DDX46: variants seen among roughly 807,000 people sequenced by gnomAD.
The protein encoded by DDX46 is DEAD-box helicase 46.
In DDX46, 30 loss-of-function variants were observed where a neutral mutation model predicts 134.9. The observed-to-expected ratio is 0.22, with a 90% CI of 0.17 to 0.30. DDX46 has a LOEUF of 0.30. DDX46 is among the 10% of genes least tolerant of loss of function. The probability of loss-of-function intolerance (pLI) is 1.00; values close to 1 mark genes in which losing one functional copy is unlikely to be tolerated. For missense variants in DDX46, 622 were observed against 1,248.7 expected (o/e 0.50, Z 7.56); for synonymous variants, 415 against 404.1 (o/e 1.03, Z -0.32).
chr5:134,816,531 T>C lies in DDX46; in HGVS notation c.2538T>C (p.Ala846=), dbSNP rs1580817356. The change falls in exon 19 of 23, where the codon GCT becomes GCC. Residue 846 remains alanine (A), a synonymous_variant. Coordinates refer to ENST00000452510, the MANE Select transcript of DDX46 (RefSeq NM_001300860.2). ...SSVPAPTAGN[A]EKLEIAKRLA... ...TTCCTGCTCCAACTGCAGGAAATGC[T>C]GAGAAATTAGAAATTGCTAAGAGAT... The C allele has an allele frequency of 2.5e-6, 4 of 1,614,108 alleles. No individual in the cohort carries two copies. Among genetic ancestry groups the C allele is most frequent in the Middle Eastern group, 1.7e-4 (1 of 6,060 alleles).
At chr5:134,790,323 C>G in intron 12 of DDX46, 147 bp from the exon 13 acceptor site, 1 of 678,398 alleles carries the variant, frequency 1.5e-6, no homozygotes, top group Non-Finnish European at 2.5e-6. Context: ...AATTTCTTTT[C>G]ACTTTTTAAA....
At position 134,831,034 on chromosome 5, in the gene DDX46, G is replaced by GATT. The variant is rs1455648090; in HGVS notation, c.*2330_*2331insTAT. The GATT allele has an allele frequency of 6.6e-6, 1 of 152,340 alleles. No individual in the cohort carries two copies. The highest frequency in any genetic ancestry group is 2.4e-5 in the African/African-American group (1 of 41,400). 9.4% of individuals were successfully genotyped at this position (152,340 alleles called of 1,614,324 possible). A position where few individuals can be genotyped will look rare whatever the true frequency, so the allele number is the denominator to read the frequency against. Reference sequence around the variant, plus strand: ...TCACACTGACTTTTAAAATTTGAATGATATATAGACTTTGTTTTTTTAATG... The same window carrying GATT: ...TCACACTGACTTTTAAAATTTGAATGATTATATATAGACTTTGTTTTTTTAATG... On this transcript the variant is annotated 3_prime_UTR_variant, in exon 23 of 23. Coordinates refer to ENST00000452510, the MANE Select transcript of DDX46 (RefSeq NM_001300860.2).
At chr5:134,820,209 C>T (rs917147624) in intron 21 of DDX46, among the ~76,000 whole-genome samples, 3 of 152,112 alleles carry the variant, frequency 2.0e-5, no homozygotes, top group Admixed American at 1.3e-4. Flanking sequence ...CATGAGCCAC[C>T]GCGCCCAGCC....
At chr5:134,827,262 T>G (rs1451876483) in intron 22 of DDX46, among the ~76,000 whole-genome samples, 9 of 151,982 alleles carry the variant, frequency 5.9e-5, no homozygotes. Context: ...TACCTTGAAT[T>G]TTTTTTCTTT....
chr5:134,765,162 G>A (rs573966491), intron 2 of DDX46, among the ~76,000 whole-genome samples: 19 of 150,672 alleles, frequency 1.3e-4, no homozygotes, highest in African/African-American at 4.6e-4. Flanking sequence ...TCTGCCTCCC[G>A]GGTTCAAGTG....
At chr5:134,803,010 T>A (rs931827032) in intron 15 of DDX46, among the ~76,000 whole-genome samples, 1 of 152,300 alleles carries the variant, frequency 6.6e-6, no homozygotes, top group East Asian at 1.9e-4. Context: ...TTATTATTAT[T>A]TTTTATACGG....
intron 5 of DDX46, among the ~76,000 whole-genome samples, chr5:134,775,698 T>A (rs1299411142): frequency 6.6e-6 from 1 of 152,182 alleles, no homozygotes; most frequent in Admixed American, 6.5e-5. Flanking sequence ...TTCACTATGT[T>A]GGCCAGGCTA....
At chr5:134,810,586 AC>A (rs1450705734) in intron 16 of DDX46, among the ~76,000 whole-genome samples, 1 of 145,502 alleles carries the variant, frequency 6.9e-6, no homozygotes, top group East Asian at 2.2e-4. Flanking sequence ...CAAATGATCC[AC>A]CCCCCCTTGG....
At position 134,769,779 on chromosome 5, in the gene DDX46, TCA is replaced by T. The variant is rs551481165; in HGVS notation, c.351-1123_351-1122del. Among the ~76,000 whole-genome samples, 1,268 of 152,088 alleles carry T rather than the reference TCA, an allele frequency of 8.3e-3. 16 individuals are homozygous for T. The highest frequency in any genetic ancestry group is 0.028 in the African/African-American group (1,155 of 41,486). ...TCAGGCTGGTCTAGAACTCCTAACC[TCA>T]TGTGATCCACCTGCCTCGGCCTCAC... On this transcript the variant is annotated intron_variant, in intron 3 of 22. Coordinates refer to ENST00000452510, the MANE Select transcript of DDX46 (RefSeq NM_001300860.2).
Position 134,814,056 on chromosome 5 carries a change from G to C in DDX46, c.2436+2211G>C, listed in dbSNP as rs17713316. Among the ~76,000 whole-genome samples, 813 of 152,190 alleles carry C rather than the reference G, an allele frequency of 5.3e-3. 4 individuals carry two copies. Among genetic ancestry groups the C allele is most frequent in the Non-Finnish European group, 6.5e-3 (442 of 67,994 alleles). ...ATTATGGTAGTTTCCTCTTTTCTGT[G>C]GTTTTAGTTGCCATAGGTTAACCAC... is the stretch of plus-strand genomic sequence containing the variant. On this transcript the variant is annotated intron_variant, in intron 18 of 22. Transcript: ENST00000452510.
chr5:134,815,527 G>A, intron 18 of DDX46, among the ~76,000 whole-genome samples: 1 of 151,790 alleles, frequency 6.6e-6, no homozygotes. Flanking sequence ...CTAACACGGT[G>A]AAACCCCATC....
intron 21 of DDX46, chr5:134,825,837 G>A (rs541054462): frequency 1.7e-4 from 26 of 152,252 alleles, no homozygotes; most frequent in Admixed American, 1.6e-3. Context: ...TGTCTGATGA[G>A]CACCTCAACT....
intron 5 of DDX46, 21 bp downstream of exon 5, chr5:134,773,882 G>A: frequency 6.3e-7 from 1 of 1,579,180 alleles, no homozygotes; most frequent in Non-Finnish European, 8.6e-7. Flanking sequence ...TAGCCTAATA[G>A]CCTGTATAAC....
chr5:134,773,887 T>A lies in DDX46; in HGVS notation c.613+26T>A, dbSNP rs763804638. ...GTATATTTTTTAGCCTAATAGCCTG[T>A]ATAACACCTCATGTAGAATATTATA... On this transcript the variant is annotated intron_variant, in intron 5 of 22. Coordinates refer to ENST00000452510, the MANE Select transcript of DDX46 (RefSeq NM_001300860.2). 9 of 1,540,660 alleles carry A rather than the reference T, an allele frequency of 5.8e-6. No homozygotes were observed. In the East Asian group the frequency reaches 1.4e-4, roughly 23 times the overall value.
At chr5:134,795,546 G>A (rs2150148570) in intron 14 of DDX46, among the ~76,000 whole-genome samples, 1 of 152,248 alleles carries the variant, frequency 6.6e-6, no homozygotes, top group East Asian at 1.9e-4. Context: ...AGTGGTGAGT[G>A]GTGAATGGTG....
chr5:134,764,727 C>T (rs1258909160), intron 2 of DDX46, among the ~76,000 whole-genome samples: 1 of 151,958 alleles, frequency 6.6e-6, no homozygotes, highest in Non-Finnish European at 1.5e-5. Context: ...TCCAATTCTG[C>T]TCCAGGAGAG....
chr5:134,809,645 G>A (rs539009004), intron 16 of DDX46, among the ~76,000 whole-genome samples: 1 of 151,572 alleles, frequency 6.6e-6, no homozygotes, highest in South Asian at 2.1e-4. Flanking sequence ...AAAATACTGG[G>A]ATTACAGGCA....
chr5:134,793,334 T>C (rs534441863), intron 13 of DDX46, among the ~76,000 whole-genome samples: 2 of 152,342 alleles, frequency 1.3e-5, no homozygotes, highest in East Asian at 1.9e-4. Context: ...CACTGACTTA[T>C]GCCTAGAGAA....
rs1230303250 is a variant in DDX46 at position 134,764,219 on chromosome 5, C to G, written c.206+127C>G. The G allele has an allele frequency of 5.8e-6, 5 of 855,432 alleles. No homozygotes were observed. The South Asian group carries it at 7.9e-5, about 14-fold the overall frequency. The allele number at this position is 855,432 out of a possible 1,614,324, so 53.0% of individuals were successfully genotyped here. On this transcript the variant is annotated intron_variant, in intron 2 of 22. Transcript: ENST00000452510. Reference sequence around the variant, plus strand: ...CAATTGCAGGCCCTTTTCTTTATCCCCTACTTGTTTGATTAGACCCAGAAG... The same window carrying G: ...CAATTGCAGGCCCTTTTCTTTATCCGCTACTTGTTTGATTAGACCCAGAAG...
Sources: gnomAD v4.1 joint callset for allele counts (sites outside exome capture counted in the v4.1 genomes callset) on GRCh38, gnomAD v4.1.1 for gene constraint, MANE v1.5 for transcripts, NCBI Gene and HGNC (gene_info 2026-07-23, HGNC 2026-07-21) for gene names.